ZMYM4: variants seen among roughly 807,000 people sequenced by gnomAD.
The protein encoded by ZMYM4 is zinc finger MYM-type protein 4.
In ZMYM4, 31 loss-of-function variants were observed where a neutral mutation model predicts 183.2. The observed-to-expected ratio is 0.17, with a 90% CI of 0.13 to 0.23. ZMYM4 has a LOEUF of 0.23. ZMYM4 is among the 10% of genes least tolerant of loss of function. ZMYM4 has a pLI of 1.00. For missense variants in ZMYM4, 1,273 were observed against 1,840.3 expected, an observed-to-expected ratio of 0.69 and a Z score of 5.64; for synonymous variants, 592 against 631.2, an observed-to-expected ratio of 0.94 and a Z score of 0.93.
At chr1:35,296,189 C>T (rs1640999384) in intron 1 of ZMYM4, among the ~76,000 whole-genome samples, 3 of 152,186 alleles carry the variant, frequency 2.0e-5, no homozygotes, top group Non-Finnish European at 1.5e-5. Flanking sequence ...GACCCCTGGG[C>T]CTTCTCAGGA....
intron 7 of ZMYM4, among the ~76,000 whole-genome samples, chr1:35,379,958 A>G (rs1025524310): frequency 4.6e-5 from 7 of 152,284 alleles, no homozygotes; most frequent in South Asian, 4.1e-4. Context: ...TAATCATAGA[A>G]AAACAGATAT....
intron 1 of ZMYM4, among the ~76,000 whole-genome samples, chr1:35,283,270 C>G (rs1156927029): frequency 2.7e-5 from 4 of 147,076 alleles, no homozygotes; most frequent in African/African-American, 1.0e-4. Context: ...CTACCTCGGC[C>G]TTTCAAAGTC....
chr1:35,366,436 A>G (rs183134326), intron 5 of ZMYM4, among the ~76,000 whole-genome samples: 11 of 152,306 alleles, frequency 7.2e-5, no homozygotes, highest in Admixed American at 5.9e-4. Flanking sequence ...AATCCATGTT[A>G]AAGAAATTAG....
At chr1:35,293,233 G>A (rs1250111226) in intron 1 of ZMYM4, among the ~76,000 whole-genome samples, 1 of 151,792 alleles carries the variant, frequency 6.6e-6, no homozygotes, top group East Asian at 1.9e-4. Context: ...TCAAAGTCCT[G>A]GGCTCAAATG....
At chr1:35,349,689 G>T (rs1476197508) in intron 2 of ZMYM4, among the ~76,000 whole-genome samples, 2 of 151,794 alleles carry the variant, frequency 1.3e-5, no homozygotes, top group Non-Finnish European at 2.9e-5. Context: ...AACCAGCCAG[G>T]CGTGGTGGTG....
chr1:35,356,329 A>G (rs1375838461), intron 2 of ZMYM4, among the ~76,000 whole-genome samples: 4 of 152,202 alleles, frequency 2.6e-5, no homozygotes, highest in Admixed American at 2.0e-4. Context: ...CTGACTACAT[A>G]AAACACCTAA....
intron 15 of ZMYM4, 81 bp from the exon 16 acceptor site, chr1:35,392,131 T>C: frequency 6.3e-7 from 1 of 1,576,384 alleles, no homozygotes; most frequent in South Asian, 1.1e-5. Flanking sequence ...CTGAAAACAT[T>C]GTTTAACTTC....
At position 35,386,303 on chromosome 1, in the gene ZMYM4, G is replaced by A. The variant is rs74381172; in HGVS notation, c.1836+114G>A. 3 of 712,606 alleles carry A rather than the reference G, an allele frequency of 4.2e-6. No individual in the cohort carries two copies. The East Asian group carries it at 8.7e-5, about 21-fold the overall frequency. The allele number at this position is 712,606 out of a possible 1,614,324, so 44.1% of individuals were successfully genotyped here. ...GACTGGGTAATTTATAAAGAAAGAG[G>A]TTTAATTGGCTCACAGTTCCACAGG... On this transcript the variant is annotated intron_variant, in intron 11 of 29. Transcript: ENST00000314607.
At chr1:35,356,434 C>T (rs1643821076) in intron 2 of ZMYM4, among the ~76,000 whole-genome samples, 1 of 152,188 alleles carries the variant, frequency 6.6e-6, no homozygotes, top group Non-Finnish European at 1.5e-5. Context: ...CTTCAGCATA[C>T]ATCTCCTAAG....
At chr1:35,331,248 A>G (rs1159361272) in intron 2 of ZMYM4, among the ~76,000 whole-genome samples, 2 of 152,218 alleles carry the variant, frequency 1.3e-5, no homozygotes, top group Non-Finnish European at 2.9e-5. Flanking sequence ...CTTTAGGGAT[A>G]TAAACATGGG....
At chr1:35,378,138 G>A (rs953583068) in intron 7 of ZMYM4, among the ~76,000 whole-genome samples, 6 of 152,122 alleles carry the variant, frequency 3.9e-5, no homozygotes, top group Admixed American at 6.5e-5. Flanking sequence ...CAATTCTGTC[G>A]CATCTTCAGG....
At chr1:35,347,464 C>T (rs1402565045) in intron 2 of ZMYM4, among the ~76,000 whole-genome samples, 1 of 152,054 alleles carries the variant, frequency 6.6e-6, no homozygotes, top group African/African-American at 2.4e-5. Flanking sequence ...GTACAAGTTA[C>T]TCTGTCTCTA....
chr1:35,327,157 G>A (rs973861636), intron 2 of ZMYM4, among the ~76,000 whole-genome samples: 2 of 152,158 alleles, frequency 1.3e-5, no homozygotes, highest in African/African-American at 2.4e-5. Context: ...CACAGCGCCC[G>A]GGCTTTGTTT....
intron 1 of ZMYM4, chr1:35,309,102 A>G (rs780905271): frequency 3.1e-5 from 28 of 916,508 alleles, no homozygotes; most frequent in Non-Finnish European, 3.5e-5. Context: ...CTTCCTGACT[A>G]AATATGGATG....
intron 1 of ZMYM4, among the ~76,000 whole-genome samples, chr1:35,276,209 TCTA>T (rs1043246001): frequency 6.6e-6 from 1 of 152,006 alleles, no homozygotes; most frequent in African/African-American, 2.4e-5. Flanking sequence ...CAAAAATTAA[TCTA>T]CTATTCCTGT....
At chr1:35,313,389 T>C (rs1641890826) in intron 1 of ZMYM4, among the ~76,000 whole-genome samples, 1 of 69,530 alleles carries the variant, frequency 1.4e-5, no homozygotes, top group African/African-American at 3.6e-5. Context: ...TTTTTCTTTT[T>C]CTTTTTTTTT....
Position 35,359,077 on chromosome 1 carries a change from G to T in ZMYM4, c.238G>T (p.Ala80Ser). 1.9e-6 allele frequency: 3 copies of T among 1,613,728 alleles called. No homozygotes were observed. Among genetic ancestry groups the T allele is most frequent in the Non-Finnish European group, 2.5e-6 (3 of 1,179,730 alleles). Residue 80 changes from alanine (A) to serine (S), a missense_variant, in exon 3 of 30, where the codon GCA becomes TCA. Around this residue, in one of 6 missense-constraint regions of ZMYM4, gnomAD observed 384 missense variants for 465.6 expected, o/e 0.82. Coordinates refer to ENST00000314607, the MANE Select transcript of ZMYM4 (RefSeq NM_005095.3). ...TTATTTTTTGAACTCTGGGGATCTT[G>T]CAGGAATTCCAGTCGTTGGTAGTGA... ...DDYFLNSGDL[A>S]GIPVVGSDNE...
At chr1:35,290,910 G>T (rs1398440964) in intron 1 of ZMYM4, among the ~76,000 whole-genome samples, 1 of 152,186 alleles carries the variant, frequency 6.6e-6, no homozygotes, top group Admixed American at 6.5e-5. Flanking sequence ...GTTTCTGTCT[G>T]TAGCTCTAGT....
chr1:35,291,694 A>G (rs1471747363), intron 1 of ZMYM4, among the ~76,000 whole-genome samples: 1 of 148,744 alleles, frequency 6.7e-6, no homozygotes, highest in African/African-American at 2.5e-5. Context: ...CTGGAGTGCA[A>G]TGGTGCAATC....
Sources: gnomAD v4.1 joint callset for allele counts (sites outside exome capture counted in the v4.1 genomes callset) on GRCh38, gnomAD v4.1.1 for gene constraint, gnomAD v4.1.1 regional missense constraint, MANE v1.5 for transcripts, NCBI Gene and HGNC (gene_info 2026-07-23, HGNC 2026-07-21) for gene names.